Variants in VAV3 observed in about 807,000 individuals in gnomAD.
The protein encoded by VAV3 is vav guanine nucleotide exchange factor 3, also known as guanine nucleotide exchange factor VAV3.
Under a neutral mutation model 131.2 loss-of-function variants are expected in VAV3, and 94 were observed. The observed-to-expected ratio is 0.72, with a 90% CI of 0.61 to 0.85. The LOEUF is 0.85. Among genes scored for constraint, VAV3 ranks in the 40% least tolerant of loss-of-function variants. The probability of loss-of-function intolerance (pLI) is 0.00; values close to 1 mark genes in which losing one functional copy is unlikely to be tolerated. For missense variants in VAV3, 939 were observed against 1,002.7 expected, an observed-to-expected ratio of 0.94 and a Z score of 0.86; for synonymous variants, 349 against 342.0, an observed-to-expected ratio of 1.02 and a Z score of -0.22.
intron 1 of VAV3, among the ~76,000 whole-genome samples, chr1:107,918,677 TTTTTAAGGC>T (rs1672735730): frequency 6.8e-6 from 1 of 147,544 alleles, no homozygotes; most frequent in Non-Finnish European, 1.5e-5. Flanking sequence ...TATATATATA[TTTTTAAGGC>T]ATATATATAT....
At chr1:107,683,745 T>C (rs1322082269) in intron 18 of VAV3, among the ~76,000 whole-genome samples, 2 of 152,240 alleles carry the variant, frequency 1.3e-5, no homozygotes, top group South Asian at 2.1e-4. Context: ...ACTTGATAAG[T>C]TGTTGGTACC....
chr1:107,773,466 G>A (rs901250054), intron 4 of VAV3, among the ~76,000 whole-genome samples: 2 of 152,162 alleles, frequency 1.3e-5, no homozygotes, highest in African/African-American at 2.4e-5. Flanking sequence ...TTCAACCCAT[G>A]CTCTTTCAAG....
chr1:107,845,505 A>G (rs1278552239), intron 2 of VAV3, among the ~76,000 whole-genome samples: 1 of 152,114 alleles, frequency 6.6e-6, no homozygotes, highest in African/African-American at 2.4e-5. Context: ...ACTCCTGCGA[A>G]CTAAAGAAGT....
intron 17 of VAV3, among the ~76,000 whole-genome samples, chr1:107,692,997 A>G (rs1432189105): frequency 6.6e-6 from 1 of 152,140 alleles, no homozygotes; most frequent in East Asian, 1.9e-4. Flanking sequence ...TAGTGGGGGG[A>G]AAAGCAAATG....
chr1:107,842,513 ACTT>A lies in VAV3; in HGVS notation c.321+32385_321+32387del, dbSNP rs554803144. On this transcript the variant is annotated intron_variant, in intron 2 of 26. Transcript: ENST00000370056. Reference sequence around the variant, plus strand: ...TTCGGTACTTCCACCCATCTGGTGAACTTCTGTGGCAGTAGTTTCACTTTAATC... The same window carrying A: ...TTCGGTACTTCCACCCATCTGGTGAACTGTGGCAGTAGTTTCACTTTAATC... Among the ~76,000 whole-genome samples, 197 of 152,284 alleles carry A rather than the reference ACTT, an allele frequency of 1.3e-3. 9 individuals carry two copies. In the South Asian group the frequency reaches 0.04, roughly 31 times the overall value.
At chr1:107,814,425 C>T (rs963830125) in intron 2 of VAV3, among the ~76,000 whole-genome samples, 1 of 151,902 alleles carries the variant, frequency 6.6e-6, no homozygotes, top group African/African-American at 2.4e-5. Flanking sequence ...TTTTCATGTT[C>T]CTGTTGGCCA....
At chr1:107,930,437 T>C (rs1317772470) in intron 1 of VAV3, among the ~76,000 whole-genome samples, 2 of 151,884 alleles carry the variant, frequency 1.3e-5, no homozygotes, top group African/African-American at 2.4e-5. Flanking sequence ...AGTCTGCCCC[T>C]CCCCTCCAAA....
intron 1 of VAV3, among the ~76,000 whole-genome samples, chr1:107,958,137 AAAT>A (rs768680341): frequency 1.3e-5 from 2 of 152,228 alleles, no homozygotes; most frequent in Non-Finnish European, 2.9e-5. Flanking sequence ...ATAACCTAAC[AAAT>A]GGCAAAGAGG....
intron 19 of VAV3, among the ~76,000 whole-genome samples, chr1:107,659,130 G>A (rs922625653): frequency 6.6e-6 from 1 of 151,994 alleles, no homozygotes; most frequent in African/African-American, 2.4e-5. Flanking sequence ...TTTTGTATAA[G>A]GTGTAAGGAA....
At chr1:107,862,148 C>T (rs1462176139) in intron 2 of VAV3, among the ~76,000 whole-genome samples, 1 of 151,550 alleles carries the variant, frequency 6.6e-6, no homozygotes, top group Non-Finnish European at 1.5e-5. Context: ...GACACAGGTG[C>T]TTTAAGTGGA....
At chr1:107,797,492 C>A (rs1333401316) in intron 2 of VAV3, among the ~76,000 whole-genome samples, 1 of 152,102 alleles carries the variant, frequency 6.6e-6, no homozygotes, top group African/African-American at 2.4e-5. Context: ...ATTTGAAGAA[C>A]TACAAACAGG....
At chr1:107,901,688 A>C (rs916686465) in intron 1 of VAV3, among the ~76,000 whole-genome samples, 75 of 152,230 alleles carry the variant, frequency 4.9e-4, no homozygotes, top group Non-Finnish European at 2.5e-4. Flanking sequence ...ATTTTCTTTC[A>C]ACCAACTACT....
intron 2 of VAV3, among the ~76,000 whole-genome samples, chr1:107,848,331 A>T (rs186730385): frequency 0.028 from 4,216 of 150,716 alleles, 189 homozygotes; most frequent in African/African-American, 0.095. Flanking sequence ...AAAAAAAAAA[A>T]TAGTGGCAAA....
At chr1:107,593,341 C>A (rs1449286753) in intron 25 of VAV3, among the ~76,000 whole-genome samples, 1 of 151,994 alleles carries the variant, frequency 6.6e-6, no homozygotes, top group Non-Finnish European at 1.5e-5. Context: ...CACTACAGTG[C>A]CCTGGGGCTT....
intron 1 of VAV3, among the ~76,000 whole-genome samples, chr1:107,925,159 A>G (rs1040487626): frequency 3.9e-5 from 6 of 152,224 alleles, no homozygotes; most frequent in Admixed American, 6.5e-5. Context: ...GTACACTTAA[A>G]AAAAAGAAAT....
At chr1:107,704,678 A>G in intron 16 of VAV3, 28 bp from the exon 17 acceptor site, 1 of 1,570,816 alleles carries the variant, frequency 6.4e-7, no homozygotes, top group Non-Finnish European at 8.7e-7. Context: ...AAAGTGGTAT[A>G]TTAAACGGTG....
chr1:107,909,857 A>G (rs2101115054), intron 1 of VAV3, among the ~76,000 whole-genome samples: 1 of 152,326 alleles, frequency 6.6e-6, no homozygotes, highest in Admixed American at 6.5e-5. Context: ...TACATTAAAT[A>G]TTTCATAATA....
At chr1:107,672,859 C>T (rs914819163) in intron 19 of VAV3, among the ~76,000 whole-genome samples, 1 of 152,090 alleles carries the variant, frequency 6.6e-6, no homozygotes, top group Non-Finnish European at 1.5e-5. Flanking sequence ...TATCTAATGA[C>T]TTATAGTGAA....
intron 21 of VAV3, among the ~76,000 whole-genome samples, chr1:107,614,971 T>G (rs1653036514): frequency 6.6e-6 from 1 of 152,156 alleles, no homozygotes; most frequent in South Asian, 2.1e-4. Flanking sequence ...TATACATCAC[T>G]ACTTTACAGA....
Sources: allele counts gnomAD v4.1 joint callset (sites outside exome capture counted in the v4.1 genomes callset), GRCh38; gene constraint gnomAD v4.1.1; transcripts MANE v1.5; gene names NCBI Gene and HGNC (gene_info 2026-07-23, HGNC 2026-07-21).